TMEM51: variants seen among roughly 807,000 people sequenced by gnomAD.
TMEM51 encodes the protein transmembrane protein 51.
In TMEM51, 8 loss-of-function variants were observed where a neutral mutation model predicts 13.6. The ratio of observed to expected loss-of-function variants is 0.59; its 90% CI spans 0.35 to 1.07. The LOEUF (loss-of-function observed/expected upper bound fraction) is 1.07. TMEM51 is among the 50% of genes least tolerant of loss of function. The pLI is 0.02. For missense variants in TMEM51, 279 were observed against 330.7 expected, an observed-to-expected ratio of 0.84 and a Z score of 1.21; for synonymous variants, 147 against 144.4, an observed-to-expected ratio of 1.02 and a Z score of -0.13.
chr1:15,191,428 C>T (rs1013261343), intron 1 of TMEM51, among the ~76,000 whole-genome samples: 2 of 152,200 alleles, frequency 1.3e-5, no homozygotes, highest in Non-Finnish European at 1.5e-5. Flanking sequence ...CTTCTTGGGG[C>T]GGTGGGTAGC....
At chr1:15,200,033 A>G (rs1644124683) in intron 1 of TMEM51, among the ~76,000 whole-genome samples, 1 of 152,048 alleles carries the variant, frequency 6.6e-6, no homozygotes, top group Non-Finnish European at 1.5e-5. Context: ...TGTGGGCTGG[A>G]TTGCGTCCCC....
intron 1 of TMEM51, among the ~76,000 whole-genome samples, chr1:15,179,295 G>A (rs1446913113): frequency 6.6e-6 from 1 of 152,172 alleles, no homozygotes; most frequent in Non-Finnish European, 1.5e-5. Flanking sequence ...CATTATGCCT[G>A]ACATTATGCA....
chr1:15,180,139 G>A (rs76242968), intron 1 of TMEM51, among the ~76,000 whole-genome samples: 3,148 of 152,348 alleles, frequency 0.021, 106 homozygotes, highest in African/African-American at 0.072. Flanking sequence ...CCAGCCTGCG[G>A]TGGGCACCAC....
At chr1:15,184,733 A>G (rs930045923) in intron 1 of TMEM51, among the ~76,000 whole-genome samples, 2 of 152,184 alleles carry the variant, frequency 1.3e-5, no homozygotes, top group African/African-American at 4.8e-5. Context: ...GCCATCCATC[A>G]TCATATAAGA....
rs987526297 is a variant in TMEM51 at position 15,207,522 on chromosome 1, T to C, written c.-266-2968T>C. ...CAAGTTCATGGAGACTCAATCCAGA[T>C]GTGCCTGGCTGTGATGGCCCCACTC... On this transcript the variant is annotated intron_variant, in intron 1 of 3. Transcript: ENST00000376008. This position sits in a 1 kb window ranked among gnomAD's most constrained non-coding sequence, Gnocchi z 4.6. Among the ~76,000 whole-genome samples the C allele has an allele frequency of 2.0e-5, 3 of 152,232 alleles. No individual in the cohort carries two copies. The highest frequency in any genetic ancestry group is 4.4e-5 in the Non-Finnish European group (3 of 68,034).
intron 1 of TMEM51, among the ~76,000 whole-genome samples, chr1:15,186,103 G>A (rs902665834): frequency 3.9e-5 from 6 of 152,326 alleles, no homozygotes; most frequent in Middle Eastern, 3.4e-3. Context: ...CCAGTAGAGA[G>A]AGGCGGGAGC....
chr1:15,155,212 C>T lies in TMEM51; in HGVS notation c.-267+1258C>T, dbSNP rs148933543. 8.3e-3 allele frequency among the ~76,000 whole-genome samples: 1,256 copies of T among 151,948 alleles called. 20 individuals are homozygous for T. The highest frequency in any genetic ancestry group is 0.027 in the African/African-American group (1,129 of 41,472). On this transcript the variant is annotated intron_variant, in intron 1 of 3. Transcript: ENST00000376008. Reference sequence around the variant, plus strand: ...AGGCTAGTGGTGAACCTGCTCCTCACGGCTTCGGAGCTGACAGCTCTCTGA... The same window carrying T: ...AGGCTAGTGGTGAACCTGCTCCTCATGGCTTCGGAGCTGACAGCTCTCTGA...
chr1:15,208,112 A>G (rs962035146), intron 1 of TMEM51, among the ~76,000 whole-genome samples: 6 of 152,246 alleles, frequency 3.9e-5, no homozygotes, highest in Non-Finnish European at 8.8e-5. Context: ...CAGAGAGTTC[A>G]TACTCCAGTG....
intron 1 of TMEM51, among the ~76,000 whole-genome samples, chr1:15,177,064 G>A (rs911388699): frequency 1.3e-5 from 2 of 152,176 alleles, no homozygotes; most frequent in Non-Finnish European, 2.9e-5. Context: ...AGGCAGCAGG[G>A]AGTAGTGGGG....
chr1:15,195,108 T>A (rs1016256256), intron 1 of TMEM51, among the ~76,000 whole-genome samples: 9 of 151,716 alleles, frequency 5.9e-5, no homozygotes, highest in Non-Finnish European at 1.3e-4. Flanking sequence ...TGTGTGTGTA[T>A]TTTTTGTAGA....
rs1643269489 is a variant in TMEM51 at position 15,171,414 on chromosome 1, C to T, written c.-267+17460C>T. ...AAGAGTTGCCGGGGACCAGGGGCAT[C>T]GCCACCTGGCCCTGGGTACACGGGC... On this transcript the variant is annotated intron_variant, in intron 1 of 3. Coordinates refer to ENST00000376008, the MANE Select transcript of TMEM51 (RefSeq NM_001136218.2). 11 of 1,056,972 alleles carry T rather than the reference C, an allele frequency of 1.0e-5. No homozygotes were observed. In the South Asian group the frequency reaches 1.1e-4, roughly 10 times the overall value. The allele number at this position is 1,056,972 out of a possible 1,614,324, so 65.5% of individuals were successfully genotyped here. A position where few individuals can be genotyped will look rare whatever the true frequency, so the allele number is the denominator to read the frequency against.
At chr1:15,173,214 CTTTTTTTTTTTT>C (rs3078132) in intron 1 of TMEM51, among the ~76,000 whole-genome samples, 2 of 97,034 alleles carry the variant, frequency 2.1e-5, no homozygotes, top group African/African-American at 7.9e-5. Flanking sequence ...TGATCATATT[CTTTTTTTTTTTT>C]TTTTTTTTTT....
chr1:15,217,196 G>GA (rs1032973294), intron 3 of TMEM51, among the ~76,000 whole-genome samples: 17 of 151,548 alleles, frequency 1.1e-4, no homozygotes, highest in South Asian at 4.2e-4. Context: ...CACACCAGAA[G>GA]AAAAAAAAAT....
At position 15,167,306 on chromosome 1, in the gene TMEM51, G is replaced by A. The variant is rs369110156; in HGVS notation, c.-267+13352G>A. On this transcript the variant is annotated intron_variant, in intron 1 of 3. Transcript: ENST00000376008. ...GACGCCACTGCACTCCAGCCTGGGCGACAGAGCGAGACTCCATCTCAAAAA... is the reference window on the plus strand; with the variant it reads ...GACGCCACTGCACTCCAGCCTGGGCAACAGAGCGAGACTCCATCTCAAAAA... Among the ~76,000 whole-genome samples the A allele has an allele frequency of 3.1e-4, 40 of 129,644 alleles. 1 individual carries two copies. In the East Asian group the frequency reaches 4.8e-3, roughly 16 times the overall value. The allele number at this position is 129,644 out of a possible 152,430, so 85.1% of individuals were successfully genotyped here.
At position 15,161,772 on chromosome 1, in the gene TMEM51, T is replaced by A. The variant is rs1265737419; in HGVS notation, c.-267+7818T>A. On this transcript the variant is annotated intron_variant, in intron 1 of 3. Transcript: ENST00000376008. The surrounding 1 kb of genome is among the most constrained non-coding windows in gnomAD (Gnocchi z 4.0). ...GGTGAAACCCAGTCTTTACTAAAAA[T>A]ACAAAAATTAGCCAGGCATGGTGGC... Among the ~76,000 whole-genome samples, 1 of 151,224 alleles carries A rather than the reference T, an allele frequency of 6.6e-6. No individual in the cohort carries two copies. Among genetic ancestry groups the A allele is most frequent in the African/African-American group, 2.4e-5 (1 of 41,002 alleles).
In TMEM51 at chr1:15,219,381, T is replaced by C. The variant is rs1331185464; in HGVS notation, c.400T>C (p.Tyr134His). The C allele has an allele frequency of 6.2e-7, 1 of 1,609,424 alleles. No homozygotes were observed. Among genetic ancestry groups the C allele is most frequent in the Non-Finnish European group, 8.5e-7 (1 of 1,176,548 alleles). Reference sequence around the variant, plus strand: ...TGCCTCAAGGTACTATGTTCCCAGCTACGAGGAAGTGATGAACACAAACTA... The same window carrying C: ...TGCCTCAAGGTACTATGTTCCCAGCCACGAGGAAGTGATGAACACAAACTA... ...EAASRYYVPS[Y>H]EEVMNTNYSE... Residue 134 changes from tyrosine to histidine, a missense_variant, in exon 4 of 4, where the codon TAC (tyrosine) becomes CAC (histidine). Tyr to His is a moderately conservative substitution (Grantham distance 83). Coordinates refer to ENST00000376008, the MANE Select transcript of TMEM51 (RefSeq NM_001136218.2).
intron 1 of TMEM51, among the ~76,000 whole-genome samples, chr1:15,162,707 C>A (rs959049654): frequency 1.3e-5 from 2 of 152,022 alleles, no homozygotes; most frequent in African/African-American, 4.8e-5. Flanking sequence ...AATTCTGACA[C>A]CATGCTGCAA....
At chr1:15,153,317 G>C (rs1642459551), upstream of TMEM51, among the ~76,000 whole-genome samples, 1 of 152,122 alleles carries the variant, frequency 6.6e-6, no homozygotes, top group Non-Finnish European at 1.5e-5. Context: ...GGAGGAAAGC[G>C]GGTCTCCCAG....
rs145953978 is a variant in TMEM51, at chr1:15,158,268, A to G, written c.-267+4314A>G. On this transcript the variant is annotated intron_variant, in intron 1 of 3. Coordinates refer to ENST00000376008, the MANE Select transcript of TMEM51 (RefSeq NM_001136218.2). ...TGTGCAAAGTGCAAAGACGTTTCCA[A>G]TTCACCACTGTGGGAGTCCAGAGGG... 9.3e-3 allele frequency among the ~76,000 whole-genome samples: 1,412 copies of G among 152,230 alleles called. 6 individuals are homozygous for G. The highest frequency in any genetic ancestry group is 0.016 in the Non-Finnish European group (1,083 of 67,990).
Sources: gnomAD v4.1 joint callset for allele counts (sites outside exome capture counted in the v4.1 genomes callset) on GRCh38, gnomAD v4.1.1 for gene constraint, Gnocchi (gnomAD v3.1) non-coding constraint, MANE v1.5 for transcripts, NCBI Gene and HGNC (gene_info 2026-07-23, HGNC 2026-07-21) for gene names.